Variants in SPECC1 observed in about 807,000 individuals in gnomAD.
SPECC1 encodes sperm antigen with calponin homology and coiled-coil domains 1.
Under a neutral mutation model 104.1 loss-of-function variants are expected in SPECC1, and 62 were observed. That is an observed-to-expected ratio of 0.60 (90% confidence interval 0.49 to 0.74). The LOEUF is 0.74. Among genes scored for constraint, SPECC1 ranks in the 30% least tolerant of loss-of-function variants. The pLI is 0.00. For synonymous variants in SPECC1, 513 were observed against 501.6 expected, an observed-to-expected ratio of 1.02 and a Z score of -0.30; for missense variants, 1,306 against 1,310.5, an observed-to-expected ratio of 1.00 and a Z score of 0.05.
chr17:20,307,269 A>T (rs188850319), intron 14 of SPECC1, among the ~76,000 whole-genome samples: 6 of 152,362 alleles, frequency 3.9e-5, no homozygotes, highest in African/African-American at 9.6e-5. Flanking sequence ...TAATTTTCTT[A>T]ACAATAGTAG....
chr17:20,267,864 G>T (rs984443939), intron 12 of SPECC1, among the ~76,000 whole-genome samples: 1 of 152,068 alleles, frequency 6.6e-6, no homozygotes, highest in Non-Finnish European at 1.5e-5. Context: ...GGCCAGGGAC[G>T]CTCAGTTTGC....
chr17:20,218,716 A>G lies in SPECC1; in HGVS notation c.1864-8697A>G, dbSNP rs538725100. Reference sequence around the variant, plus strand: ...CTGAGATATTTTGACACAGGTATGCAATGCTGTAGTCACCCTGTTGTGCTG... The same window carrying G: ...CTGAGATATTTTGACACAGGTATGCGATGCTGTAGTCACCCTGTTGTGCTG... On this transcript the variant is annotated intron_variant, in intron 4 of 14. Transcript: ENST00000395527. 4.6e-5 allele frequency among the ~76,000 whole-genome samples: 7 copies of G among 152,292 alleles called. No individual in the cohort carries two copies. In the South Asian group the frequency reaches 1.2e-3, roughly 27 times the overall value.
intron 1 of SPECC1, among the ~76,000 whole-genome samples, chr17:20,065,273 GC>G (rs1346281769): frequency 6.6e-6 from 1 of 152,180 alleles, no homozygotes; most frequent in African/African-American, 2.4e-5. Flanking sequence ...CCTGGAGAGA[GC>G]ATCAGATCCC....
intron 5 of SPECC1, among the ~76,000 whole-genome samples, chr17:20,229,845 G>T (rs1247293075): frequency 6.6e-6 from 1 of 152,210 alleles, no homozygotes; most frequent in Admixed American, 6.5e-5. Flanking sequence ...AAAGCTGTGG[G>T]CAATATTGTT....
Position 20,204,938 on chromosome 17 carries a change from A to G in SPECC1, c.889A>G (p.Ile297Val). The G allele has an allele frequency of 1.2e-6, 2 of 1,614,160 alleles. No homozygotes were observed. Among genetic ancestry groups the G allele is most frequent in the Non-Finnish European group, 1.7e-6 (2 of 1,180,016 alleles). ...SPTGNQMSSD[I>V]DEYKKNIHGN... ...AACTGGAAATCAGATGTCCAGTGACATTGATGAGTATAAAAAAAACATACA... is the reference window on the plus strand; with the variant it reads ...AACTGGAAATCAGATGTCCAGTGACGTTGATGAGTATAAAAAAAACATACA... Residue 297 changes from isoleucine to valine, a missense_variant, in exon 4 of 15, where the codon ATT becomes GTT. Coordinates refer to ENST00000395527, the MANE Select transcript of SPECC1 (RefSeq NM_001243439.2).
intron 3 of SPECC1, among the ~76,000 whole-genome samples, chr17:20,152,938 T>A (rs995000183): frequency 6.6e-6 from 1 of 152,214 alleles, no homozygotes; most frequent in East Asian, 1.9e-4. Context: ...GTGCTGGGAT[T>A]ACAGGCGTGA....
At chr17:20,227,310 C>T in intron 4 of SPECC1, 103 bp from the exon 5 acceptor site, 1 of 919,472 alleles carries the variant, frequency 1.1e-6, no homozygotes, top group South Asian at 1.6e-5. Context: ...AGGTTTGTTA[C>T]ATGGGTATAT....
At chr17:20,082,664 C>G (rs1271811428) in intron 1 of SPECC1, among the ~76,000 whole-genome samples, 1 of 152,092 alleles carries the variant, frequency 6.6e-6, no homozygotes, top group Non-Finnish European at 1.5e-5. Flanking sequence ...CTGTGTGTGC[C>G]TGTGTCCTAA....
At chr17:20,021,995 G>A (rs1414664997) in intron 1 of SPECC1, among the ~76,000 whole-genome samples, 2 of 151,764 alleles carry the variant, frequency 1.3e-5, no homozygotes, top group African/African-American at 2.4e-5. Flanking sequence ...AGGCTGGAGT[G>A]CAGTGGCATG....
chr17:20,187,768 G>A (rs1157283723), intron 3 of SPECC1, among the ~76,000 whole-genome samples: 3 of 152,140 alleles, frequency 2.0e-5, no homozygotes, highest in Admixed American at 2.0e-4. Flanking sequence ...TATTTCAGAG[G>A]GACCTTGGTA....
chr17:20,237,628 C>A, intron 7 of SPECC1: 1 of 197,240 alleles, frequency 5.1e-6, no homozygotes. Context: ...GGCCCAAGTT[C>A]TACTTTTTGG....
At chr17:20,276,451 G>A (rs1275836433) in intron 12 of SPECC1, among the ~76,000 whole-genome samples, 1 of 152,184 alleles carries the variant, frequency 6.6e-6, no homozygotes, top group Non-Finnish European at 1.5e-5. Flanking sequence ...TTAGTTGGTT[G>A]TTTCAGGGTT....
At chr17:20,145,408 G>T (rs548989604) in intron 3 of SPECC1, among the ~76,000 whole-genome samples, 54 of 152,308 alleles carry the variant, frequency 3.5e-4, no homozygotes, top group African/African-American at 1.3e-3. Context: ...CAGGGGTTCG[G>T]CATGCCAAAA....
intron 13 of SPECC1, among the ~76,000 whole-genome samples, chr17:20,299,760 T>C (rs57837691): frequency 0.43 from 65,920 of 151,920 alleles, 14,865 homozygotes; most frequent in East Asian, 0.8. Context: ...TTAAACATTC[T>C]GGGGGAAAGA....
At position 20,059,893 on chromosome 17, in the gene SPECC1, A is replaced by C. The variant is rs191003915; in HGVS notation, c.-21-36738A>C. Among the ~76,000 whole-genome samples the C allele has an allele frequency of 1.2e-3, 183 of 152,218 alleles. No individual in the cohort carries two copies. In the Middle Eastern group the frequency reaches 0.017, roughly 14 times the overall value. On this transcript the variant is annotated intron_variant, in intron 1 of 14. Transcript: ENST00000395527. ...CAAAACAAAACAAAGCAAAACAAAC[A>C]TGAGAAGTGCTGATTCATACCTTGC... is the stretch of plus-strand genomic sequence containing the variant.
At chr17:20,207,265 A>G (rs1032754779) in intron 4 of SPECC1, among the ~76,000 whole-genome samples, 11 of 152,288 alleles carry the variant, frequency 7.2e-5, no homozygotes, top group East Asian at 1.9e-4. Flanking sequence ...TGATTCTGCA[A>G]TTTGGCCATC....
chr17:20,232,449 T>A lies in SPECC1; in HGVS notation c.2351+44T>A, dbSNP rs2038654083. On this transcript the variant is annotated intron_variant, in intron 7 of 14. Transcript: ENST00000395527. The stretch of plus-strand genomic sequence containing the variant: ...AGGGCCGTGCTTGCTTCTCAATCAC[T>A]ATGTATGGGGCTCCCTGGTGGGGAT... 5.1e-6 allele frequency: 8 copies of A among 1,555,782 alleles called. No homozygotes were observed. The East Asian group carries it at 1.9e-4, about 37-fold the overall frequency.
chr17:20,110,282 A>T, intron 2 of SPECC1, 145 bp from the exon 3 acceptor site: 1 of 982,490 alleles, frequency 1.0e-6, no homozygotes, highest in South Asian at 1.7e-5. Flanking sequence ...GCATTTTTTC[A>T]CTTCACTCTA....
intron 3 of SPECC1, among the ~76,000 whole-genome samples, chr17:20,149,181 A>G (rs1462623762): frequency 6.6e-6 from 1 of 152,174 alleles, no homozygotes; most frequent in African/African-American, 2.4e-5. Context: ...GCTTTTTGCT[A>G]TTACAAACAG....
Sources: gnomAD v4.1 joint callset for allele counts (sites outside exome capture counted in the v4.1 genomes callset) on GRCh38, gnomAD v4.1.1 for gene constraint, MANE v1.5 for transcripts, NCBI Gene and HGNC (gene_info 2026-07-23, HGNC 2026-07-21) for gene names.